The following ABLIM2 variants were observed in gnomAD, a reference collection of about 807,000 sequenced individuals.
The protein encoded by ABLIM2 is actin-binding LIM protein 2.
ABLIM2 carries 53 observed loss-of-function variants against 97.7 expected under a neutral mutation model. The ratio of observed to expected loss-of-function variants is 0.54; its 90% CI spans 0.44 to 0.68. The LOEUF (loss-of-function observed/expected upper bound fraction) is 0.68, where lower values mean the gene tolerates loss of function less well. Among genes scored for constraint, ABLIM2 ranks in the 30% least tolerant of loss-of-function variants. The probability of loss-of-function intolerance (pLI) is 0.00; values close to 1 mark genes in which losing one functional copy is unlikely to be tolerated. For missense variants in ABLIM2, 835 were observed against 867.2 expected, an observed-to-expected ratio of 0.96 and a Z score of 0.47; for synonymous variants, 361 against 345.8, an observed-to-expected ratio of 1.04 and a Z score of -0.49.
chr4:8,158,756 C>CCGCGCCCGCGCTATCCTCCG lies in ABLIM2; in HGVS notation c.-87_-68dup. On this transcript the variant is annotated 5_prime_UTR_variant, in exon 1 of 21. Transcript: ENST00000447017. ...AGCCAGACCCTCGGGCCCGCAGGTG[C>CCGCGCCCGCGCTATCCTCCG]CGCGCCCGCGCTATCCTCCGCCCGC... 5 of 1,306,042 alleles carry CCGCGCCCGCGCTATCCTCCG rather than the reference C, an allele frequency of 3.8e-6. No individual in the cohort carries two copies. The highest frequency in any genetic ancestry group is 3.1e-5 in the East Asian group (1 of 31,900). 80.9% of individuals were successfully genotyped at this position (1,306,042 alleles called of 1,614,324 possible). A position where few individuals can be genotyped will look rare whatever the true frequency, so the allele number is the denominator to read the frequency against.
In ABLIM2 at chr4:8,085,327, C is replaced by T. The variant is rs1416667779; in HGVS notation, c.454+2842G>A. Among the ~76,000 whole-genome samples the T allele has an allele frequency of 6.6e-6, 1 of 152,190 alleles. No individual in the cohort carries two copies. Among genetic ancestry groups the T allele is most frequent in the African/African-American group, 2.4e-5 (1 of 41,462 alleles). On this transcript the variant is annotated intron_variant, in intron 4 of 20. Coordinates refer to ENST00000447017, the MANE Select transcript of ABLIM2 (RefSeq NM_001130083.2). The surrounding 1 kb of genome is among the most constrained non-coding windows in gnomAD (Gnocchi z 6.1). ...CATTCTGGACTGACTTGACTCTACCCCACTCCACAACCATCTATTGCTCCT... is the reference window on the plus strand; with the variant it reads ...CATTCTGGACTGACTTGACTCTACCTCACTCCACAACCATCTATTGCTCCT...
chr4:8,031,464 TC>T (rs1461647430), intron 10 of ABLIM2, among the ~76,000 whole-genome samples: 1 of 152,178 alleles, frequency 6.6e-6, no homozygotes, highest in Non-Finnish European at 1.5e-5. Context: ...TACATAGGAA[TC>T]ACTGCTCTAG....
intron 17 of ABLIM2, 124 bp from the exon 18 acceptor site, chr4:7,985,017 T>A (rs1191690872): frequency 2.1e-6 from 2 of 961,380 alleles, no homozygotes; most frequent in South Asian, 3.2e-5. Flanking sequence ...GAGTAGGGTG[T>A]CCTTAGCACA....
chr4:8,135,802 G>C (rs905835598), intron 1 of ABLIM2, among the ~76,000 whole-genome samples: 1 of 152,208 alleles, frequency 6.6e-6, no homozygotes, highest in South Asian at 2.1e-4. Context: ...GGCCTCTCAC[G>C]GCTGACCTGT....
At chr4:8,108,051 C>A (rs1293361607) in intron 1 of ABLIM2, among the ~76,000 whole-genome samples, 4 of 152,218 alleles carry the variant, frequency 2.6e-5, no homozygotes, top group African/African-American at 4.8e-5. Context: ...TGATTTTAGC[C>A]CAGCAAGACC....
intron 9 of ABLIM2, among the ~76,000 whole-genome samples, chr4:8,038,535 C>A: frequency 6.6e-6 from 1 of 152,194 alleles, no homozygotes; most frequent in Non-Finnish European, 1.5e-5. Context: ...AGGTTCAGCC[C>A]CCTACTCCAG....
chr4:8,042,956 G>C (rs1393806502), intron 9 of ABLIM2, among the ~76,000 whole-genome samples: 2 of 151,842 alleles, frequency 1.3e-5, no homozygotes, highest in African/African-American at 4.8e-5. Context: ...TTCAAGACCA[G>C]CCCGGGCAAC....
At chr4:8,111,923 T>A (rs1251672719) in intron 1 of ABLIM2, among the ~76,000 whole-genome samples, 15 of 67,772 alleles carry the variant, frequency 2.2e-4, no homozygotes, top group Non-Finnish European at 3.7e-4. Flanking sequence ...TAAGACTCTG[T>A]CTCAAAAAAA....
chr4:8,009,450 G>C (rs540876501), intron 14 of ABLIM2, among the ~76,000 whole-genome samples: 2 of 152,280 alleles, frequency 1.3e-5, no homozygotes, highest in South Asian at 4.1e-4. Flanking sequence ...AGGCTGGAGT[G>C]CCATGGTGTG....
intron 3 of ABLIM2, among the ~76,000 whole-genome samples, chr4:8,089,143 T>A (rs571233346): frequency 6.6e-6 from 1 of 152,244 alleles, no homozygotes. Flanking sequence ...AGCAAGTGCC[T>A]GGAGTGAGGC....
At chr4:8,047,497 C>T (rs1300412772) in intron 8 of ABLIM2, among the ~76,000 whole-genome samples, 1 of 152,184 alleles carries the variant, frequency 6.6e-6, no homozygotes, top group Non-Finnish European at 1.5e-5. Flanking sequence ...GGTCTGCCTG[C>T]CTCCTGGGAC....
chr4:7,968,791 G>C (rs1725161012), intron 20 of ABLIM2, among the ~76,000 whole-genome samples: 1 of 152,178 alleles, frequency 6.6e-6, no homozygotes, highest in Admixed American at 6.6e-5. Flanking sequence ...TGGAGAGTGG[G>C]GTTGGTGGCA....
rs1046915870 is a variant in ABLIM2, at chr4:8,032,215, A to C, written c.1048-2439T>G. Among the ~76,000 whole-genome samples the C allele has an allele frequency of 4.1e-5, 6 of 145,074 alleles. No individual in the cohort carries two copies. The highest frequency in any genetic ancestry group is 1.5e-4 in the African/African-American group (6 of 38,882). On this transcript the variant is annotated intron_variant, in intron 10 of 20. Coordinates refer to ENST00000447017, the MANE Select transcript of ABLIM2 (RefSeq NM_001130083.2). The surrounding 1 kb of genome is among the most constrained non-coding windows in gnomAD (Gnocchi z 4.3). Reference sequence around the variant, plus strand: ...TTGAGAAACAGAAAAAAAAAAAAAAAACTAGACCACTAACAGTAAAAGCTC... The same window carrying C: ...TTGAGAAACAGAAAAAAAAAAAAAACACTAGACCACTAACAGTAAAAGCTC...
rs28588651 is a variant in ABLIM2 at position 8,069,653 on chromosome 4, T to C, written c.675+7975A>G. ...TGTGCATCGTGTGTGCTGTCTTGGTTGTCTGTGTGCATTTCTGTGTGTCTC... is the reference window on the plus strand; with the variant it reads ...TGTGCATCGTGTGTGCTGTCTTGGTCGTCTGTGTGCATTTCTGTGTGTCTC... On this transcript the variant is annotated intron_variant, in intron 6 of 20. Transcript: ENST00000447017. The surrounding 1 kb of genome is among the most constrained non-coding windows in gnomAD (Gnocchi z 4.2). Among the ~76,000 whole-genome samples the C allele has an allele frequency of 0.029, 4,429 of 152,138 alleles. 218 individuals are homozygous for C. The highest frequency in any genetic ancestry group is 0.1 in the African/African-American group (4,216 of 41,492).
At chr4:7,993,306 C>T (rs1179578503) in intron 16 of ABLIM2, among the ~76,000 whole-genome samples, 2 of 152,242 alleles carry the variant, frequency 1.3e-5, no homozygotes, top group Non-Finnish European at 2.9e-5. Flanking sequence ...CCTGGAGGAA[C>T]AGCAGAGCTG....
Position 8,008,117 on chromosome 4 carries a change from G to A in ABLIM2, c.1560C>T (p.His520=). 6.2e-7 allele frequency: 1 copy of A among 1,614,070 alleles called. No homozygotes were observed. The highest frequency in any genetic ancestry group is 8.5e-7 in the Non-Finnish European group (1 of 1,179,908). Residue 520 remains histidine, a synonymous_variant, in exon 16 of 21, where the codon CAC becomes CAT. Transcript: ENST00000447017. ...GAGGGTCTCTGTCGGTCCCGCTGCT[G>A]TGGGACAAGGACTGGGTGTCCAGGT... The part of the protein sequence containing the change: ...SPDLDTQSLS[H]SSGTDRDPLQ...
At position 8,054,156 on chromosome 4, in the gene ABLIM2, G is replaced by A. The variant is rs750263936; in HGVS notation, c.822+32C>T. 5.6e-6 allele frequency: 9 copies of A among 1,610,174 alleles called. No individual in the cohort carries two copies. Among genetic ancestry groups the A allele is most frequent in the South Asian group, 5.5e-5 (5 of 91,016 alleles). On this transcript the variant is annotated intron_variant, in intron 8 of 20. Coordinates refer to ENST00000447017, the MANE Select transcript of ABLIM2 (RefSeq NM_001130083.2). The surrounding 1 kb of genome is among the most constrained non-coding windows in gnomAD (Gnocchi z 4.9). ...AAAGATGGTGCAGGAGCAGTGAAGG[G>A]TACATCAGAGACACCAGTGAATGCC...
intron 2 of ABLIM2, among the ~76,000 whole-genome samples, chr4:8,105,446 A>G (rs1836843862): frequency 1.3e-5 from 2 of 152,150 alleles, no homozygotes; most frequent in African/African-American, 4.8e-5. Flanking sequence ...GGCCTCCTAG[A>G]GCCTTTGTGG....
rs1844836318 is a variant in ABLIM2, at chr4:8,120,332, GT to G, written c.11-13696del. Among the ~76,000 whole-genome samples, 1 of 152,166 alleles carries G rather than the reference GT, an allele frequency of 6.6e-6. No homozygotes were observed. The highest frequency in any genetic ancestry group is 1.5e-5 in the Non-Finnish European group (1 of 68,030). On this transcript the variant is annotated intron_variant, in intron 1 of 20. Transcript: ENST00000447017. This position sits in a 1 kb window ranked among gnomAD's most constrained non-coding sequence, Gnocchi z 5.6. ...CGGAGACGGGGCCTTCAAAGGTGTC[GT>G]TATGGTAAAGCAAGGTGATCTGGAG...
Sources: allele counts gnomAD v4.1 joint callset (sites outside exome capture counted in the v4.1 genomes callset), GRCh38; gene constraint gnomAD v4.1.1; non-coding constraint Gnocchi (gnomAD v3.1); transcripts MANE v1.5; gene names NCBI Gene and HGNC (gene_info 2026-07-23, HGNC 2026-07-21).